The following TRAF7 variants were observed in gnomAD, a reference collection of about 807,000 sequenced individuals.
TRAF7 encodes TNF receptor associated factor 7.
TRAF7 carries 45 observed loss-of-function variants against 89.3 expected under a neutral mutation model. That is an observed-to-expected ratio of 0.50 (90% CI 0.40 to 0.65). The LOEUF (loss-of-function observed/expected upper bound fraction) is 0.65, where lower values mean the gene tolerates loss of function less well. TRAF7 is among the 30% of genes least tolerant of loss of function. The pLI, the probability that TRAF7 is intolerant of heterozygous loss-of-function variation, is 0.00. For missense variants in TRAF7, 677 were observed against 918.1 expected (o/e 0.74, Z 3.39); for synonymous variants, 406 against 369.2 (o/e 1.10, Z -1.14).
intron 2 of TRAF7, among the ~76,000 whole-genome samples, chr16:2,164,673 C>T (rs1302777657): frequency 2.2e-5 from 3 of 138,108 alleles, no homozygotes; most frequent in Non-Finnish European, 3.1e-5. Flanking sequence ...TGCTGTGTGG[C>T]GCGGCCTGGT....
intron 7 of TRAF7, among the ~76,000 whole-genome samples, 175 bp downstream of exon 7, chr16:2,171,780 A>G (rs940560881): frequency 2.0e-5 from 3 of 152,186 alleles, no homozygotes; most frequent in Non-Finnish European, 2.9e-5. Context: ...CGGGACCTCC[A>G]TGAGCAGAGT....
At chr16:2,157,069 C>T (rs1240877597) in intron 1 of TRAF7, among the ~76,000 whole-genome samples, 1 of 151,888 alleles carries the variant, frequency 6.6e-6, no homozygotes, top group Non-Finnish European at 1.5e-5. Context: ...AGCCTGTCTG[C>T]CCACCTTTCT....
chr16:2,175,445 G>T lies in TRAF7; in HGVS notation c.1503+28G>T, dbSNP rs758000676. 5.0e-6 allele frequency: 8 copies of T among 1,612,418 alleles called. No individual in the cohort carries two copies. The African/African-American group carries it at 1.1e-4, about 22-fold the overall frequency. On this transcript the variant is annotated intron_variant, in intron 16 of 20. Transcript: ENST00000326181. ...ACGGGTGGAGGCTGTGCCTACGTGT[G>T]TGTCACTGAGGCGTCCCTTGCCCGC...
intron 1 of TRAF7, among the ~76,000 whole-genome samples, chr16:2,156,737 G>A (rs1450063225): frequency 6.6e-6 from 1 of 151,938 alleles, no homozygotes; most frequent in Non-Finnish European, 1.5e-5. Context: ...GGTGGGGTGG[G>A]GCGGGGGGGT....
chr16:2,167,371 G>A (rs767245115), intron 3 of TRAF7, among the ~76,000 whole-genome samples: 8 of 152,216 alleles, frequency 5.3e-5, no homozygotes, highest in Non-Finnish European at 1.2e-4. Context: ...TCTGAGCTGG[G>A]CTGGTCCTGA....
At position 2,162,993 on chromosome 16, in the gene TRAF7, C is replaced by G. The variant is rs564657479; in HGVS notation, c.-38-890C>G. Among the ~76,000 whole-genome samples, 4 of 151,174 alleles carry G rather than the reference C, an allele frequency of 2.6e-5. No individual in the cohort carries two copies. The highest frequency in any genetic ancestry group is 5.9e-5 in the Non-Finnish European group (4 of 67,796). On this transcript the variant is annotated intron_variant, in intron 1 of 20. Transcript: ENST00000326181. The surrounding 1 kb of genome is among the most constrained non-coding windows in gnomAD (Gnocchi z 5.0). ...TCACGGGGGGAGAGTGGGCGTCATC[C>G]AGCATGGACAGCCCCTTCCCCGGGC...
In TRAF7 at chr16:2,158,457, G is replaced by A. The variant is rs2093044775; in HGVS notation, c.-39+2599G>A. ...GGCTGCCTGGAAACTCGGGGTGGAG[G>A]TGACCCAACCCCAGAAGCACCCAGG... is the stretch of plus-strand genomic sequence containing the variant. On this transcript the variant is annotated intron_variant, in intron 1 of 20. Transcript: ENST00000326181. This position sits in a 1 kb window ranked among gnomAD's most constrained non-coding sequence, Gnocchi z 4.7. 6.6e-6 allele frequency among the ~76,000 whole-genome samples: 1 copy of A among 152,182 alleles called. No individual in the cohort carries two copies. The highest frequency in any genetic ancestry group is 1.5e-5 in the Non-Finnish European group (1 of 68,018).
intron 4 of TRAF7, 26 bp from the exon 5 acceptor site, chr16:2,170,588 C>T (rs746287402): frequency 8.8e-6 from 14 of 1,589,522 alleles, no homozygotes; most frequent in South Asian, 5.6e-5. Flanking sequence ...CGGAGCCCCC[C>T]GACAGGCGCC....
At chr16:2,157,083 T>G (rs1177281510) in intron 1 of TRAF7, among the ~76,000 whole-genome samples, 2 of 152,112 alleles carry the variant, frequency 1.3e-5, no homozygotes, top group Admixed American at 1.3e-4. Context: ...CCTTTCTCAC[T>G]ACCCCTCAGA....
intron 2 of TRAF7, among the ~76,000 whole-genome samples, chr16:2,165,560 G>T (rs2093081916): frequency 7.5e-6 from 1 of 133,582 alleles, no homozygotes; most frequent in Non-Finnish European, 1.6e-5. Context: ...GGTTTAGCGT[G>T]TTAGTGCTGC....
At chr16:2,164,170 GCGCGCGCGCGCA>G (rs1379049638) in intron 2 of TRAF7, among the ~76,000 whole-genome samples, 169 bp downstream of exon 2, 85 of 120,078 alleles carry the variant, frequency 7.1e-4, no homozygotes, top group African/African-American at 2.4e-3. Context: ...GCGCGCGCGC[GCGCGCGCGCGCA>G]CGCGTGCGTG....
intron 17 of TRAF7, 75 bp downstream of exon 17, chr16:2,175,697 C>T (rs2141296019): frequency 1.9e-6 from 3 of 1,591,548 alleles, no homozygotes; most frequent in Admixed American, 3.4e-5. Context: ...CCTGGGGCTC[C>T]ATCTGCCCTG....
rs1319537722 is a variant in TRAF7, at chr16:2,164,051, G to A, written c.81+50G>A. The A allele has an allele frequency of 2.6e-6, 4 of 1,523,390 alleles. No homozygotes were observed. In the African/African-American group the frequency reaches 5.5e-5, roughly 21 times the overall value. 94.4% of individuals were successfully genotyped at this position (1,523,390 alleles called of 1,614,324 possible). A position where few individuals can be genotyped will look rare whatever the true frequency, so the allele number is the denominator to read the frequency against. On this transcript the variant is annotated intron_variant, in intron 2 of 20. Transcript: ENST00000326181. Reference sequence around the variant, plus strand: ...CCAACATCCCCAGGACCCCCAGCATGCCCCAGGGATCTGGTGTTGCCTGCA... The same window carrying A: ...CCAACATCCCCAGGACCCCCAGCATACCCCAGGGATCTGGTGTTGCCTGCA...
rs1335587602 is a variant in TRAF7, at chr16:2,163,709, G to A, written c.-38-174G>A. 9 of 595,390 alleles carry A rather than the reference G, an allele frequency of 1.5e-5. No individual in the cohort carries two copies. The highest frequency in any genetic ancestry group is 1.4e-4 in the East Asian group (5 of 35,052). 36.9% of individuals were successfully genotyped at this position (595,390 alleles called of 1,614,324 possible). A position where few individuals can be genotyped will look rare whatever the true frequency, so the allele number is the denominator to read the frequency against. ...CCCGGGCCTCTGCATACCTGGGATCGGGGTGAAGGACCTTTGCCTCCTAGA... is the reference window on the plus strand; with the variant it reads ...CCCGGGCCTCTGCATACCTGGGATCAGGGTGAAGGACCTTTGCCTCCTAGA... On this transcript the variant is annotated intron_variant, in intron 1 of 20. Transcript: ENST00000326181. This position sits in a 1 kb window ranked among gnomAD's most constrained non-coding sequence, Gnocchi z 4.3.
Position 2,158,005 on chromosome 16 carries a change from G to A in TRAF7, c.-39+2147G>A, listed in dbSNP as rs947072720. 1.3e-5 allele frequency among the ~76,000 whole-genome samples: 2 copies of A among 152,152 alleles called. No individual in the cohort carries two copies. Among genetic ancestry groups the A allele is most frequent in the Admixed American group, 6.5e-5 (1 of 15,282 alleles). ...CTCTATTCCGTTTTTCGAGAAGCCC[G>A]AGGCCAGGAGGGCAGGTACACAGCT... is the stretch of plus-strand genomic sequence containing the variant. On this transcript the variant is annotated intron_variant, in intron 1 of 20. Coordinates refer to ENST00000326181, the MANE Select transcript of TRAF7 (RefSeq NM_032271.3). The surrounding 1 kb of genome is among the most constrained non-coding windows in gnomAD (Gnocchi z 4.7).
Position 2,176,650 on chromosome 16 carries a change from G to C in TRAF7, c.*76G>C. On this transcript the variant is annotated 3_prime_UTR_variant, in exon 21 of 21. Coordinates refer to ENST00000326181, the MANE Select transcript of TRAF7 (RefSeq NM_032271.3). Reference sequence around the variant, plus strand: ...TGAGCCAGGCTGGCCACATGGGGTGGTCTCGGGGTTTCTGCCTGCCCCGTG... The same window carrying C: ...TGAGCCAGGCTGGCCACATGGGGTGCTCTCGGGGTTTCTGCCTGCCCCGTG... 1 of 1,609,784 alleles carries C rather than the reference G, an allele frequency of 6.2e-7. No individual in the cohort carries two copies. The highest frequency in any genetic ancestry group is 8.5e-7 in the Non-Finnish European group (1 of 1,178,010).
chr16:2,176,300 C>T lies in TRAF7; in HGVS notation c.1914C>T (p.Thr638=), dbSNP rs755801939. ...WSMDNMICTQ[T]LLRHQGSVTA... is the part of the protein sequence containing the mutation. ...TGGACAACATGATCTGCACGCAGAC[C>T]CTGCTGCGTCACCAGGGCAGTGTCA... The change falls in exon 20 of 21, where the codon ACC becomes ACT. Residue 638 remains threonine, a synonymous_variant. Coordinates refer to ENST00000326181, the MANE Select transcript of TRAF7 (RefSeq NM_032271.3). 1 of 1,603,680 alleles carries T rather than the reference C, an allele frequency of 6.2e-7. No homozygotes were observed. The highest frequency in any genetic ancestry group is 8.5e-7 in the Non-Finnish European group (1 of 1,179,170).
chr16:2,164,144 GTGT>G, intron 2 of TRAF7, 143 bp downstream of exon 2: 1 of 585,060 alleles, frequency 1.7e-6, no homozygotes, highest in Non-Finnish European at 2.9e-6. Context: ...GGTGTGGTGT[GTGT>G]GTGTGTGTGT....
rs183378664 is a variant in TRAF7, at chr16:2,166,432, C to T, written c.139+496C>T. ...ATAAGTCTGGTTTGTTTTTTTGAGACGGGTGTCACTCTGTCACCCAAGCTG... is the reference window on the plus strand; with the variant it reads ...ATAAGTCTGGTTTGTTTTTTTGAGATGGGTGTCACTCTGTCACCCAAGCTG... On this transcript the variant is annotated intron_variant, in intron 3 of 20. Transcript: ENST00000326181. Among the ~76,000 whole-genome samples, 949 of 152,206 alleles carry T rather than the reference C, an allele frequency of 6.2e-3. 4 individuals are homozygous for T. Among genetic ancestry groups the T allele is most frequent in the South Asian group, 0.012 (58 of 4,824 alleles).
Sources: allele counts gnomAD v4.1 joint callset (sites outside exome capture counted in the v4.1 genomes callset), GRCh38; gene constraint gnomAD v4.1.1; non-coding constraint Gnocchi (gnomAD v3.1); transcripts MANE v1.5; gene names NCBI Gene and HGNC (gene_info 2026-07-23, HGNC 2026-07-21).